ANKS3: variants seen among roughly 807,000 people sequenced by gnomAD.
ANKS3 encodes ankyrin repeat and sterile alpha motif domain containing 3, also known as ankyrin repeat and SAM domain-containing protein 3.
ANKS3 carries 62 observed loss-of-function variants against 80.7 expected under a neutral mutation model. The observed-to-expected ratio is 0.77, with a 90% CI of 0.63 to 0.95. The LOEUF (loss-of-function observed/expected upper bound fraction) is 0.95, where lower values mean the gene tolerates loss of function less well. ANKS3 is among the 40% of genes least tolerant of loss of function. The pLI is 0.00. For synonymous variants in ANKS3, 489 were observed against 355.3 expected, an observed-to-expected ratio of 1.38 and a Z score of -4.23; for missense variants, 1,150 against 883.6, an observed-to-expected ratio of 1.30 and a Z score of -3.82.
At chr16:4,698,664 G>C (rs573123613) in intron 13 of ANKS3, 65 bp from the exon 14 acceptor site, 1 of 1,521,612 alleles carries the variant, frequency 6.6e-7, no homozygotes, top group Non-Finnish European at 8.8e-7. Context: ...CCTTGGCCAC[G>C]GCCCTGTCCT....
intron 11 of ANKS3, chr16:4,700,603 G>C (rs563059678): frequency 2.7e-6 from 1 of 375,638 alleles, no homozygotes; most frequent in South Asian, 2.1e-5. Context: ...GGTGGCAGCT[G>C]TAACCATCAC....
At position 4,730,060 on chromosome 16, in the gene ANKS3, C is replaced by T; in HGVS notation, c.90G>A (p.Gly30=). ...MWHGLGTQVS[G]EELDVPLDLH... ...GATCCAGGGGGACATCCAGCTCCTC[C>T]CCGCTGACCTGTGTCCCGAGCCCGT... Residue 30 remains glycine, a synonymous_variant, in exon 3 of 18, where the codon GGG becomes GGA. Transcript: ENST00000304283. 1 of 1,591,260 alleles carries T rather than the reference C, an allele frequency of 6.3e-7. No homozygotes were observed. The highest frequency in any genetic ancestry group is 1.4e-5 in the African/African-American group (1 of 74,036).
At chr16:4,716,795 A>G (rs893015406) in intron 6 of ANKS3, among the ~76,000 whole-genome samples, 1 of 151,738 alleles carries the variant, frequency 6.6e-6, no homozygotes, top group Admixed American at 6.6e-5. Flanking sequence ...GCGTGCCTGT[A>G]TCCCAGCTAC....
At position 4,698,435 on chromosome 16, in the gene ANKS3, G is replaced by GTCCAGGACGAGGGCAGCA. The variant is rs2079700863; in HGVS notation, c.1698_1715dup (p.Ala567_Asp572dup). 7 of 1,526,526 alleles carry GTCCAGGACGAGGGCAGCA rather than the reference G, an allele frequency of 4.6e-6. No individual in the cohort carries two copies. Among genetic ancestry groups the GTCCAGGACGAGGGCAGCA allele is most frequent in the Non-Finnish European group, 6.1e-6 (7 of 1,142,828 alleles). The allele number at this position is 1,526,526 out of a possible 1,614,324, so 94.6% of individuals were successfully genotyped here. A position where few individuals can be genotyped will look rare whatever the true frequency, so the allele number is the denominator to read the frequency against. ...AGCTCAGAGCCACTCACCGCAGCTGGTCCAGGACGAGGGCAGCATCCCGGG... is the reference window on the plus strand; with the variant it reads ...AGCTCAGAGCCACTCACCGCAGCTGGTCCAGGACGAGGGCAGCATCCAGGACGAGGGCAGCATCCCGGG... On this transcript the variant is annotated inframe_insertion, in exon 14 of 18. Coordinates refer to ENST00000304283, the MANE Select transcript of ANKS3 (RefSeq NM_133450.4).
chr16:4,717,670 T>C (rs1184959350), intron 6 of ANKS3: 1 of 152,232 alleles, frequency 6.6e-6, no homozygotes, highest in African/African-American at 2.4e-5. Context: ...ATTTTTGGTT[T>C]TGTTTTTGAG....
intron 8 of ANKS3, among the ~76,000 whole-genome samples, chr16:4,703,830 C>T (rs2080045826): frequency 6.6e-6 from 1 of 152,166 alleles, no homozygotes; most frequent in Non-Finnish European, 1.5e-5. Context: ...ACCATGATTA[C>T]TTCTCTGTGG....
chr16:4,701,835 C>T (rs1288464163), intron 9 of ANKS3: 1 of 504,426 alleles, frequency 2.0e-6, no homozygotes, highest in East Asian at 3.3e-5. Flanking sequence ...GACATTCCTA[C>T]TGGGGCCTGC....
chr16:4,699,496 G>A (rs1596346949), intron 11 of ANKS3: 1 of 343,184 alleles, frequency 2.9e-6, no homozygotes, highest in East Asian at 5.8e-5. Flanking sequence ...TAGGCGGAGA[G>A]CGCTGCCCTC....
At chr16:4,722,395 A>G (rs928924768) in intron 6 of ANKS3, among the ~76,000 whole-genome samples, 4 of 151,824 alleles carry the variant, frequency 2.6e-5, no homozygotes, top group African/African-American at 4.8e-5. Context: ...CCTGGCTAAC[A>G]CGGTGAAACC....
chr16:4,705,137 T>C lies in ANKS3; in HGVS notation c.826A>G (p.Thr276Ala). ...HEGPRALARI[T>A]GIGLGGRAPR... is the part of the protein sequence containing the mutation. ...GCTCTGCCGCCCAGGCCAATGCCTG[T>C]GATCCTGGCCAGGGCTCGCGGTCCC... The change falls in exon 8 of 18, where the codon ACA (threonine) becomes GCA (alanine). Residue 276 changes from threonine (T) to alanine (A), a missense_variant. Coordinates refer to ENST00000304283, the MANE Select transcript of ANKS3 (RefSeq NM_133450.4). 1 of 1,613,444 alleles carries C rather than the reference T, an allele frequency of 6.2e-7. No homozygotes were observed. The highest frequency in any genetic ancestry group is 1.1e-5 in the South Asian group (1 of 91,062).
chr16:4,710,389 AT>A (rs1307808836), intron 7 of ANKS3, among the ~76,000 whole-genome samples: 16 of 152,302 alleles, frequency 1.1e-4, no homozygotes, highest in African/African-American at 3.4e-4. Flanking sequence ...ATATGTAGTT[AT>A]TTTGTGTCAA....
intron 7 of ANKS3, 37 bp from the exon 8 acceptor site, chr16:4,705,290 G>T (rs766442453): frequency 6.3e-7 from 1 of 1,597,606 alleles, no homozygotes; most frequent in South Asian, 1.1e-5. Flanking sequence ...AGTGTGTTCA[G>T]TAATGGACTC....
chr16:4,702,257 G>C lies in ANKS3; in HGVS notation c.869-15C>G, dbSNP rs138641439. The C allele has an allele frequency of 2.6e-6, 4 of 1,510,258 alleles. No homozygotes were observed. The South Asian group carries it at 3.8e-5, about 14-fold the overall frequency. 93.6% of individuals were successfully genotyped at this position (1,510,258 alleles called of 1,614,324 possible). On this transcript the variant is annotated splice_polypyrimidine_tract_variant and intron_variant, in intron 8 of 17. Transcript: ENST00000304283. ...AGGAGCCTGCTCTGTGTACAGAATGGGGCCCATAAGCCCAGGGAACTCCAA... is the reference window on the plus strand; with the variant it reads ...AGGAGCCTGCTCTGTGTACAGAATGCGGCCCATAAGCCCAGGGAACTCCAA...
chr16:4,700,804 G>A, intron 11 of ANKS3, 166 bp downstream of exon 11: 2 of 927,636 alleles, frequency 2.2e-6, no homozygotes, highest in Non-Finnish European at 3.5e-6. Flanking sequence ...GGGGCTGCCA[G>A]CCATGGAGCC....
chr16:4,726,256 G>A (rs1029309715), intron 5 of ANKS3, among the ~76,000 whole-genome samples: 1 of 151,888 alleles, frequency 6.6e-6, no homozygotes, highest in African/African-American at 2.4e-5. Flanking sequence ...GATCACAGGC[G>A]TGAGCCACCA....
At chr16:4,701,695 C>G in intron 9 of ANKS3, 152 bp from the exon 10 acceptor site, 1 of 643,940 alleles carries the variant, frequency 1.6e-6, no homozygotes, top group Non-Finnish European at 2.6e-6. Context: ...GTCCTAAACC[C>G]TCCCCTCTAT....
In ANKS3 at chr16:4,718,376, C is replaced by G. The variant is rs142457355; in HGVS notation, c.574-4190G>C. ...CTGGAACAAGACTATCCGGAAGGCACGAATCAACTTTCTCTTAAAGAGAGA... is the reference window on the plus strand; with the variant it reads ...CTGGAACAAGACTATCCGGAAGGCAGGAATCAACTTTCTCTTAAAGAGAGA... On this transcript the variant is annotated intron_variant, in intron 6 of 17. Transcript: ENST00000304283. Among the ~76,000 whole-genome samples, 31 of 152,272 alleles carry G rather than the reference C, an allele frequency of 2.0e-4. No individual in the cohort carries two copies. The East Asian group carries it at 5.2e-3, about 26-fold the overall frequency.
chr16:4,727,257 C>T (rs2081402589), intron 3 of ANKS3, 80 bp from the exon 4 acceptor site: 2 of 1,461,130 alleles, frequency 1.4e-6, no homozygotes, highest in African/African-American at 1.4e-5. Flanking sequence ...GAGGCTAGGC[C>T]AGGCGGGATG....
intron 16 of ANKS3, 29 bp downstream of exon 16, chr16:4,697,304 G>C: frequency 6.3e-7 from 1 of 1,579,780 alleles, no homozygotes. Flanking sequence ...CAAAAGGAGC[G>C]CTCAGTCGTC....
Sources: allele counts gnomAD v4.1 joint callset (sites outside exome capture counted in the v4.1 genomes callset), GRCh38; gene constraint gnomAD v4.1.1; transcripts MANE v1.5; gene names NCBI Gene and HGNC (gene_info 2026-07-23, HGNC 2026-07-21).